Variants in DAPL1 observed in about 807,000 individuals in gnomAD.
The protein encoded by DAPL1 is death-associated protein-like 1.
DAPL1 carries 17 observed loss-of-function variants against 12.9 expected under a neutral mutation model. The observed-to-expected ratio is 1.32, with a 90% CI of 0.90 to 1.98. The LOEUF is 1.98. Among genes scored for constraint, DAPL1 ranks in the 30% most tolerant of loss-of-function variants. The pLI, the probability that DAPL1 is intolerant of heterozygous loss-of-function variation, is 0.00. For synonymous variants in DAPL1, 51 were observed against 42.0 expected (o/e 1.21, Z -0.82); for missense variants, 157 against 125.7 (o/e 1.25, Z -1.19).
At chr2:158,799,944 G>T (rs2059157825) in intron 1 of DAPL1, among the ~76,000 whole-genome samples, 1 of 151,742 alleles carries the variant, frequency 6.6e-6, no homozygotes, top group African/African-American at 2.4e-5. Context: ...GGCACCTGTA[G>T]TCCCAGCTAC....
chr2:158,813,803 C>T (rs1187922847), intron 3 of DAPL1, among the ~76,000 whole-genome samples: 1 of 152,302 alleles, frequency 6.6e-6, no homozygotes, highest in Admixed American at 6.5e-5. Context: ...GATCCGCCCG[C>T]CTTGGCCTCC....
At chr2:158,797,302 T>C (rs547004245) in intron 1 of DAPL1, among the ~76,000 whole-genome samples, 5 of 152,204 alleles carry the variant, frequency 3.3e-5, no homozygotes, top group Admixed American at 3.3e-4. Context: ...AGAGATCACC[T>C]CTGTAAAGTA....
chr2:158,802,575 T>G (rs2059174145), intron 1 of DAPL1, among the ~76,000 whole-genome samples: 1 of 152,200 alleles, frequency 6.6e-6, no homozygotes, highest in Non-Finnish European at 1.5e-5. Context: ...CAAGGATGGT[T>G]TTCTTTACAT....
intron 2 of DAPL1, among the ~76,000 whole-genome samples, chr2:158,805,761 T>A (rs556424581): frequency 1.5e-4 from 23 of 148,754 alleles, no homozygotes; most frequent in African/African-American, 4.9e-4. Context: ...AGATGGTGAT[T>A]GGAATCTTCT....
At chr2:158,801,483 T>A (rs1485353960) in intron 1 of DAPL1, among the ~76,000 whole-genome samples, 1 of 152,334 alleles carries the variant, frequency 6.6e-6, no homozygotes, top group Admixed American at 6.5e-5. Context: ...CTGTATTCCA[T>A]GGCTATTCAG....
intron 3 of DAPL1, 25 bp downstream of exon 3, chr2:158,807,140 C>A: frequency 1.3e-6 from 2 of 1,581,612 alleles, no homozygotes; most frequent in South Asian, 1.1e-5. Flanking sequence ...AATCACATAG[C>A]GCTCCAAGTC....
At chr2:158,806,760 C>T (rs545045755) in intron 2 of DAPL1, among the ~76,000 whole-genome samples, 1 of 151,708 alleles carries the variant, frequency 6.6e-6, no homozygotes, top group Admixed American at 6.6e-5. Context: ...CGCTTGAACC[C>T]AGGAGGCAGA....
intron 2 of DAPL1, among the ~76,000 whole-genome samples, chr2:158,805,385 C>T (rs1307557441): frequency 6.6e-6 from 1 of 152,134 alleles, no homozygotes; most frequent in Non-Finnish European, 1.5e-5. Context: ...GGAAGCTGTG[C>T]GTCCTCAAGA....
chr2:158,801,343 G>A (rs1376494014), intron 1 of DAPL1, among the ~76,000 whole-genome samples: 3 of 152,118 alleles, frequency 2.0e-5, no homozygotes, highest in Non-Finnish European at 2.9e-5. Flanking sequence ...TGTATCAAAG[G>A]CCCCAGAGCT....
chr2:158,809,165 C>A (rs574978256), intron 3 of DAPL1, among the ~76,000 whole-genome samples: 1 of 151,928 alleles, frequency 6.6e-6, no homozygotes, highest in Non-Finnish European at 1.5e-5. Context: ...CAAGACCAGC[C>A]TGGCCAATAT....
intron 3 of DAPL1, among the ~76,000 whole-genome samples, chr2:158,814,522 C>T (rs774190678): frequency 4.6e-5 from 7 of 152,194 alleles, no homozygotes; most frequent in Admixed American, 6.5e-5. Flanking sequence ...GTAACCATTG[C>T]TAACACTTCA....
intron 3 of DAPL1, among the ~76,000 whole-genome samples, chr2:158,812,774 GAC>G (rs1469457027): frequency 9.4e-5 from 13 of 137,814 alleles, no homozygotes; most frequent in Admixed American, 5.3e-4. Context: ...CAGTCTGGGT[GAC>G]AGAGCAAAAC....
At chr2:158,795,977 T>C (rs535089809) in intron 1 of DAPL1, among the ~76,000 whole-genome samples, 2 of 152,312 alleles carry the variant, frequency 1.3e-5, no homozygotes, top group East Asian at 3.9e-4. Flanking sequence ...GAAGTACTTT[T>C]AAATAAAGAC....
intron 2 of DAPL1, 56 bp downstream of exon 2, chr2:158,804,425 C>G: frequency 7.6e-7 from 1 of 1,311,630 alleles, no homozygotes; most frequent in Non-Finnish European, 1.1e-6. Context: ...GACTCTGCCT[C>G]CAGGAGTTAT....
In DAPL1 at chr2:158,804,448, C is replaced by A. The variant is rs138740536; in HGVS notation, c.146+79C>A. 8.0e-5 allele frequency: 85 copies of A among 1,056,000 alleles called. No individual in the cohort carries two copies. In the Middle Eastern group the frequency reaches 1.5e-3, roughly 18 times the overall value. The allele number at this position is 1,056,000 out of a possible 1,614,324, so 65.4% of individuals were successfully genotyped here. ...CTCCAGGAGTTATTTTAGGACAAACCAAGGCTCCCTATGCCTTTGGAGGCA... is the reference window on the plus strand; with the variant it reads ...CTCCAGGAGTTATTTTAGGACAAACAAAGGCTCCCTATGCCTTTGGAGGCA... On this transcript the variant is annotated intron_variant, in intron 2 of 3. Transcript: ENST00000309950.
At chr2:158,796,267 A>G (rs2059133980) in intron 1 of DAPL1, among the ~76,000 whole-genome samples, 1 of 152,194 alleles carries the variant, frequency 6.6e-6, no homozygotes, top group Non-Finnish European at 1.5e-5. Context: ...TTACAAAAAC[A>G]TATTTACTGT....
rs184182665 is a variant in DAPL1 at position 158,809,903 on chromosome 2, C to T, written c.207+2788C>T. 1.9e-3 allele frequency among the ~76,000 whole-genome samples: 283 copies of T among 152,224 alleles called. 2 individuals carry two copies. The highest frequency in any genetic ancestry group is 2.6e-3 in the Non-Finnish European group (176 of 68,002). On this transcript the variant is annotated intron_variant, in intron 3 of 3. Transcript: ENST00000309950. ...TTCAACCTGAAACCTAGTAAGATTTCACAATAAAGGTCAACCTGGGGTTGA... is the reference window on the plus strand; with the variant it reads ...TTCAACCTGAAACCTAGTAAGATTTTACAATAAAGGTCAACCTGGGGTTGA...
intron 3 of DAPL1, among the ~76,000 whole-genome samples, chr2:158,809,768 C>A (rs2059221102): frequency 6.6e-6 from 1 of 152,144 alleles, no homozygotes; most frequent in Non-Finnish European, 1.5e-5. Flanking sequence ...CGTAAGGCAC[C>A]AGCAACAAAA....
intron 3 of DAPL1, among the ~76,000 whole-genome samples, chr2:158,814,398 T>C (rs887443317): frequency 6.6e-6 from 1 of 152,176 alleles, no homozygotes; most frequent in African/African-American, 2.4e-5. Flanking sequence ...AGATAATCCT[T>C]GGGCTTAATT....
Sources: gnomAD v4.1 joint callset for allele counts (sites outside exome capture counted in the v4.1 genomes callset) on GRCh38, gnomAD v4.1.1 for gene constraint, MANE v1.5 for transcripts, NCBI Gene and HGNC (gene_info 2026-07-23, HGNC 2026-07-21) for gene names.